The following CEP72 variants were observed in gnomAD, a reference collection of about 807,000 sequenced individuals.
CEP72 encodes the protein centrosomal protein 72.
Under a neutral mutation model 65.7 loss-of-function variants are expected in CEP72, and 78 were observed. The observed-to-expected ratio is 1.19, with a 90% CI of 0.99 to 1.43. CEP72 has a LOEUF of 1.43. Ranked by LOEUF, CEP72 falls within the 40% of genes most tolerant of loss-of-function variation. CEP72 has a pLI of 0.00. For synonymous variants in CEP72, 358 were observed against 351.7 expected, an observed-to-expected ratio of 1.02 and a Z score of -0.20; for missense variants, 914 against 832.9, an observed-to-expected ratio of 1.10 and a Z score of -1.20.
chr5:628,497 G>T (rs1216584906), intron 4 of CEP72, among the ~76,000 whole-genome samples: 10 of 149,332 alleles, frequency 6.7e-5, no homozygotes, highest in African/African-American at 2.0e-4. Flanking sequence ...TCCCTGGGGA[G>T]TGTTCCCAGG....
chr5:651,030 CGTGGACTGTGAGGTGTGACTGTGAGGT>C (rs1739017263), intron 11 of CEP72, among the ~76,000 whole-genome samples: 38 of 58,214 alleles, frequency 6.5e-4, no homozygotes, highest in African/African-American at 7.3e-4. Context: ...GACTGTGAGG[CGTGGACTGTGAGGTGTGACTGTGAGGT>C]GTGGACTGTG....
In CEP72 at chr5:637,516, G is replaced by A; in HGVS notation, c.905-1G>A. On this transcript the variant is annotated splice_acceptor_variant, in intron 6 of 11. Transcript: ENST00000264935. LOFTEE classifies it high-confidence loss of function. Reference sequence around the variant, plus strand: ...TGCGCCCCATCCTCTCTATATCTCAGACTCCATGGATACCGAGGACTCGGC... The same window carrying A: ...TGCGCCCCATCCTCTCTATATCTCAAACTCCATGGATACCGAGGACTCGGC... 1 of 1,611,338 alleles carries A rather than the reference G, an allele frequency of 6.2e-7. No individual in the cohort carries two copies. Among genetic ancestry groups the A allele is most frequent in the Non-Finnish European group, 8.5e-7 (1 of 1,178,284 alleles).
At position 635,724 on chromosome 5, in the gene CEP72, C is replaced by G. The variant is rs967421705; in HGVS notation, c.904+140C>G. On this transcript the variant is annotated intron_variant, in intron 6 of 11. Coordinates refer to ENST00000264935, the MANE Select transcript of CEP72 (RefSeq NM_018140.4). ...AAGAGCACGGTGCCGGCACCTGGTG[C>G]TGGTCCTCCCATGGCACAGGCAGAA... The G allele has an allele frequency of 1.0e-5, 7 of 668,618 alleles. No homozygotes were observed. The African/African-American group carries it at 1.1e-4, about 10-fold the overall frequency. The allele number at this position is 668,618 out of a possible 1,614,324, so 41.4% of individuals were successfully genotyped here. A position where few individuals can be genotyped will look rare whatever the true frequency, so the allele number is the denominator to read the frequency against.
intron 4 of CEP72, among the ~76,000 whole-genome samples, chr5:625,819 G>A (rs1048863564): frequency 2.0e-5 from 3 of 152,084 alleles, no homozygotes; most frequent in African/African-American, 7.2e-5. Flanking sequence ...CTCCAGCCCT[G>A]CTCTCACAGG....
downstream of CEP72, among the ~76,000 whole-genome samples, chr5:658,645 ATTTTTTTTTTTTTTTTTTTTTTTTTT>A (rs70955278): frequency 0.03 from 1,706 of 56,012 alleles, 34 homozygotes; most frequent in Middle Eastern, 0.1. Flanking sequence ...AGCAAAGCTG[ATTTTTTTTTTTTTTTTTTTTTTTTTT>A]TTTTTTTTTT....
At chr5:613,556 G>A (rs571907839) in intron 1 of CEP72, among the ~76,000 whole-genome samples, 9 of 152,276 alleles carry the variant, frequency 5.9e-5, no homozygotes, top group African/African-American at 1.9e-4. Flanking sequence ...TAGTAGAGAC[G>A]GGGTTTCACC....
At chr5:651,615 G>A (rs952065954) in intron 11 of CEP72, among the ~76,000 whole-genome samples, 2 of 152,006 alleles carry the variant, frequency 1.3e-5, no homozygotes, top group Non-Finnish European at 2.9e-5. Context: ...TGGGTGTGAG[G>A]GGATCTTCAA....
chr5:622,977 T>C (rs1453262958), intron 3 of CEP72, among the ~76,000 whole-genome samples: 1 of 152,248 alleles, frequency 6.6e-6, no homozygotes, highest in East Asian at 1.9e-4. Flanking sequence ...ATCCAAGTTT[T>C]AGATTCAGAA....
At chr5:665,067 G>C in intron 2 of CEP72, 1 of 1,593,234 alleles carries the variant, frequency 6.3e-7, no homozygotes, top group Non-Finnish European at 8.5e-7. Flanking sequence ...CCTGCTCTGG[G>C]GACACCGGCA....
At chr5:670,049 C>T (rs941495393), downstream of CEP72, among the ~76,000 whole-genome samples, 2 of 151,568 alleles carry the variant, frequency 1.3e-5, no homozygotes, top group Admixed American at 6.6e-5. Context: ...CGATGCCCTG[C>T]GGGGCCTGGA....
In CEP72 at chr5:653,257, C is replaced by T. The variant is rs1739231672; in HGVS notation, c.*104C>T. On this transcript the variant is annotated 3_prime_UTR_variant, in exon 12 of 12. Transcript: ENST00000264935. ...GTGTACTGGCTGGCAAGAGTTCTCTCTTCTGTTGGTAATTATTTAGGATTT... is the reference window on the plus strand; with the variant it reads ...GTGTACTGGCTGGCAAGAGTTCTCTTTTCTGTTGGTAATTATTTAGGATTT... 8.7e-7 allele frequency: 1 copy of T among 1,146,748 alleles called. No homozygotes were observed. The highest frequency in any genetic ancestry group is 1.2e-6 in the Non-Finnish European group (1 of 852,382). The allele number at this position is 1,146,748 out of a possible 1,614,324, so 71.0% of individuals were successfully genotyped here.
intron 4 of CEP72, among the ~76,000 whole-genome samples, chr5:629,384 A>C (rs962136934): frequency 2.6e-5 from 4 of 152,266 alleles, no homozygotes; most frequent in African/African-American, 9.6e-5. Context: ...TAATTTTTGA[A>C]CCAATCCTAG....
intron 9 of CEP72, chr5:641,579 C>A (rs1697982): frequency 1.0e-6 from 1 of 984,790 alleles, no homozygotes; most frequent in Non-Finnish European, 1.2e-6. Context: ...CGTGGCCCCC[C>A]CACCCCGCCT....
intron 4 of CEP72, among the ~76,000 whole-genome samples, chr5:629,116 T>G (rs1016668183): frequency 6.6e-6 from 1 of 152,256 alleles, no homozygotes; most frequent in Non-Finnish European, 1.5e-5. Context: ...GCCCTTGGGT[T>G]TGTTTTGTGT....
chr5:648,643 T>C (rs1392859103), intron 11 of CEP72, among the ~76,000 whole-genome samples: 17 of 110,932 alleles, frequency 1.5e-4, no homozygotes, highest in South Asian at 1.0e-3. Flanking sequence ...GACTGTGAGG[T>C]GTGACTGTGA....
downstream of CEP72, chr5:655,457 T>A (rs1248483668): frequency 1.3e-5 from 2 of 152,186 alleles, no homozygotes; most frequent in Non-Finnish European, 2.9e-5. The surrounding 1 kb of genome is among the most constrained non-coding windows in gnomAD (Gnocchi z 5.0). Flanking sequence ...TTTTAACAGG[T>A]TTACTAGAAA....
chr5:633,338 C>G (rs1447710218), intron 4 of CEP72, among the ~76,000 whole-genome samples: 2 of 125,568 alleles, frequency 1.6e-5, no homozygotes, highest in Non-Finnish European at 3.6e-5. Context: ...TGGTGGGGTT[C>G]TGTCCAGTGC....
chr5:651,113 G>A (rs1739031366), intron 11 of CEP72, among the ~76,000 whole-genome samples: 1 of 73,964 alleles, frequency 1.4e-5, no homozygotes, highest in Non-Finnish European at 2.4e-5. Flanking sequence ...ACTGTGAGGT[G>A]TGACTGTGAG....
chr5:623,767 T>G lies in CEP72; in HGVS notation c.404-704T>G, dbSNP rs746100751. Among the ~76,000 whole-genome samples, 24 of 152,112 alleles carry G rather than the reference T, an allele frequency of 1.6e-4. No individual in the cohort carries two copies. The highest frequency in any genetic ancestry group is 2.4e-4 in the Non-Finnish European group (16 of 68,026). ...GCAGAGGCCTCTGACTCGGCATCTTTGTGTGATTATCAGAACTCCTCCGTT... is the reference window on the plus strand; with the variant it reads ...GCAGAGGCCTCTGACTCGGCATCTTGGTGTGATTATCAGAACTCCTCCGTT... On this transcript the variant is annotated intron_variant, in intron 3 of 11. Transcript: ENST00000264935. The surrounding 1 kb of genome is among the most constrained non-coding windows in gnomAD (Gnocchi z 5.3).
Sources: gnomAD v4.1 joint callset for allele counts (sites outside exome capture counted in the v4.1 genomes callset) on GRCh38, gnomAD v4.1.1 for gene constraint, Gnocchi (gnomAD v3.1) non-coding constraint, MANE v1.5 for transcripts, NCBI Gene and HGNC (gene_info 2026-07-23, HGNC 2026-07-21) for gene names.